NRXN1: variants seen among roughly 807,000 people sequenced by gnomAD.
NRXN1 encodes the protein neurexin 1.
A neutral mutation model predicts 150.9 loss-of-function variants in NRXN1; 39 were observed. The observed-to-expected ratio is 0.26, with a 90% CI of 0.20 to 0.34. NRXN1 has a LOEUF of 0.34. NRXN1 is among the 10% of genes least tolerant of loss of function. The probability of loss-of-function intolerance (pLI) is 1.00; values close to 1 mark genes in which losing one functional copy is unlikely to be tolerated. For synonymous variants in NRXN1, 924 were observed against 757.0 expected, an observed-to-expected ratio of 1.22 and a Z score of -3.62; for missense variants, 1,815 against 1,949.9, an observed-to-expected ratio of 0.93 and a Z score of 1.30.
At chr2:50,533,951 A>T (rs183190212) in intron 10 of NRXN1, among the ~76,000 whole-genome samples, 1 of 152,144 alleles carries the variant, frequency 6.6e-6, no homozygotes, top group South Asian at 2.1e-4. Flanking sequence ...TCTTGTTTGT[A>T]GAGTATTATC....
intron 5 of NRXN1, among the ~76,000 whole-genome samples, chr2:50,817,049 G>T (rs898311845): frequency 5.3e-5 from 8 of 151,988 alleles, no homozygotes; most frequent in Non-Finnish European, 1.5e-5. Flanking sequence ...CATGAGGAAG[G>T]CACCATCTCT....
At chr2:50,121,074 G>C (rs1014405985) in intron 18 of NRXN1, among the ~76,000 whole-genome samples, 15 of 152,138 alleles carry the variant, frequency 9.9e-5, no homozygotes, top group African/African-American at 3.6e-4. Context: ...ACTGAGGCTG[G>C]AGTGCAGTGG....
chr2:50,470,787 A>G (rs1383952027), intron 16 of NRXN1, among the ~76,000 whole-genome samples: 1 of 151,820 alleles, frequency 6.6e-6, no homozygotes, highest in Non-Finnish European at 1.5e-5. Context: ...ATGGAGGAAG[A>G]ATTTGCTCAA....
chr2:50,382,473 T>C (rs2081041500), intron 17 of NRXN1, among the ~76,000 whole-genome samples: 2 of 152,160 alleles, frequency 1.3e-5, no homozygotes. Context: ...CAGTGGATAC[T>C]AGAAAAATGA....
At chr2:50,155,500 A>G (rs555264131) in intron 18 of NRXN1, among the ~76,000 whole-genome samples, 2 of 151,582 alleles carry the variant, frequency 1.3e-5, no homozygotes, top group Non-Finnish European at 3.0e-5. Context: ...GTATACATGA[A>G]GTTCAAAGGT....
At chr2:50,918,728 A>G (rs1009249552) in intron 5 of NRXN1, 2 of 329,130 alleles carry the variant, frequency 6.1e-6, no homozygotes, top group Non-Finnish European at 1.1e-5. Flanking sequence ...ACAAAAGAGA[A>G]AAGACATACT....
intron 21 of NRXN1, among the ~76,000 whole-genome samples, chr2:49,946,120 T>C (rs1027460519): frequency 1.3e-5 from 2 of 152,244 alleles, no homozygotes; most frequent in African/African-American, 2.4e-5. Flanking sequence ...TTGATTTGCA[T>C]TGCTCTGATG....
intron 5 of NRXN1, among the ~76,000 whole-genome samples, chr2:50,858,148 T>C (rs1006503021): frequency 6.6e-6 from 1 of 152,120 alleles, no homozygotes; most frequent in African/African-American, 2.4e-5. Context: ...GCTTCATTGT[T>C]TGTGCATAAA....
intron 2 of NRXN1, among the ~76,000 whole-genome samples, chr2:50,980,583 TTAA>T (rs1696633201): frequency 6.6e-6 from 1 of 152,112 alleles, no homozygotes; most frequent in African/African-American, 2.4e-5. Context: ...CTGTAACATG[TTAA>T]TAATTTAATT....
At chr2:50,859,082 T>C (rs1248689367) in intron 5 of NRXN1, among the ~76,000 whole-genome samples, 1 of 152,102 alleles carries the variant, frequency 6.6e-6, no homozygotes, top group African/African-American at 2.4e-5. Context: ...CGAGTTGGTA[T>C]TTGAACCTAA....
chr2:50,921,034 T>A (rs1266148989), intron 5 of NRXN1, among the ~76,000 whole-genome samples: 2 of 151,732 alleles, frequency 1.3e-5, no homozygotes, highest in Admixed American at 1.3e-4. Flanking sequence ...AATAAAGATA[T>A]TCCTGCATTT....
At chr2:50,209,200 G>T (rs920922708) in intron 18 of NRXN1, among the ~76,000 whole-genome samples, 1 of 152,106 alleles carries the variant, frequency 6.6e-6, no homozygotes, top group African/African-American at 2.4e-5. Context: ...TTTGCAAAAA[G>T]TCTAGTGAAG....
intron 19 of NRXN1, among the ~76,000 whole-genome samples, chr2:50,080,696 T>C (rs1199595476): frequency 6.6e-6 from 1 of 152,210 alleles, no homozygotes; most frequent in Non-Finnish European, 1.5e-5. Context: ...GGCATTCTTA[T>C]GATCCTATTT....
intron 5 of NRXN1, among the ~76,000 whole-genome samples, chr2:50,649,445 T>G (rs1685288897): frequency 6.6e-6 from 1 of 152,008 alleles, no homozygotes; most frequent in Non-Finnish European, 1.5e-5. Context: ...CTCCCAAAAC[T>G]TCACTAGGGG....
At chr2:50,756,204 G>A (rs549138338) in intron 5 of NRXN1, among the ~76,000 whole-genome samples, 17 of 151,498 alleles carry the variant, frequency 1.1e-4, no homozygotes, top group Non-Finnish European at 2.4e-4. Flanking sequence ...GAGAATGGAG[G>A]CTGTTCAAAT....
intron 5 of NRXN1, among the ~76,000 whole-genome samples, chr2:50,821,968 C>T (rs998025367): frequency 3.3e-5 from 5 of 151,856 alleles, no homozygotes; most frequent in East Asian, 3.9e-4. Context: ...ATGAAAAGGA[C>T]GTATACTCAC....
At chr2:51,023,730 CAA>C (rs1421230621) in intron 2 of NRXN1, among the ~76,000 whole-genome samples, 2 of 151,990 alleles carry the variant, frequency 1.3e-5, no homozygotes, top group African/African-American at 4.8e-5. Flanking sequence ...CTCTGGTACA[CAA>C]AACAATCAGT....
chr2:50,248,560 A>C (rs1042788580), intron 17 of NRXN1, among the ~76,000 whole-genome samples: 3 of 152,202 alleles, frequency 2.0e-5, no homozygotes, highest in Admixed American at 2.0e-4. Context: ...TGCAAGTTAA[A>C]ATAGAAATTG....
chr2:51,029,924 G>A (rs34300360), intron 1 of NRXN1, among the ~76,000 whole-genome samples: 1 of 151,446 alleles, frequency 6.6e-6, no homozygotes, highest in Non-Finnish European at 1.5e-5. Flanking sequence ...GTATCTTGCT[G>A]TCAGCCCTCA....
Sources: allele counts gnomAD v4.1 joint callset (sites outside exome capture counted in the v4.1 genomes callset), GRCh38; gene constraint gnomAD v4.1.1; transcripts MANE v1.5; gene names NCBI Gene and HGNC (gene_info 2026-07-23, HGNC 2026-07-21).